Variants in ZSCAN20 observed in about 807,000 individuals in gnomAD.
ZSCAN20 encodes the protein zinc finger and SCAN domain containing 20.
In ZSCAN20, 39 loss-of-function variants were observed where a neutral mutation model predicts 97.1. That is an observed-to-expected ratio of 0.40 (90% confidence interval 0.31 to 0.52). ZSCAN20 has a LOEUF of 0.52. Among genes scored for constraint, ZSCAN20 ranks in the 20% least tolerant of loss-of-function variants. The pLI, the probability that ZSCAN20 is intolerant of heterozygous loss-of-function variation, is 0.49. For synonymous variants in ZSCAN20, 456 were observed against 467.3 expected, an observed-to-expected ratio of 0.98 and a Z score of 0.31; for missense variants, 1,115 against 1,290.4, an observed-to-expected ratio of 0.86 and a Z score of 2.08.
rs1200100274 is a variant in ZSCAN20, at chr1:33,500,471, T to C, written c.*4995T>C. Among the ~76,000 whole-genome samples the C allele has an allele frequency of 1.3e-5, 2 of 152,074 alleles. No individual in the cohort carries two copies. Among genetic ancestry groups the C allele is most frequent in the African/African-American group, 2.4e-5 (1 of 41,388 alleles). ...AGAGCTTCTTTGTTTTAAGAGCCAC[T>C]TGGTTAAGTCAAGAGCATTAGAAGA... On this transcript the variant is annotated 3_prime_UTR_variant, in exon 8 of 8. Transcript: ENST00000684572.
At position 33,495,012 on chromosome 1, in the gene ZSCAN20, C is replaced by T. The variant is rs376904571; in HGVS notation, c.2668C>T (p.Leu890Phe). The T allele has an allele frequency of 1.9e-5, 31 of 1,613,906 alleles. No homozygotes were observed. The highest frequency in any genetic ancestry group is 6.7e-5 in the African/African-American group (5 of 74,908). The change falls in exon 8 of 8, where the codon CTC becomes TTC. Residue 890 changes from leucine to phenylalanine, a missense_variant. Physicochemically the swap from Leu to Phe is conservative, Grantham distance 22. Transcript: ENST00000684572. ...AAGAAGCTTCTCTAAGAGCTCTGCC[C>T]TCATTAGTCACCAAAGAATCCATAC... is the stretch of plus-strand genomic sequence containing the variant. The part of the protein sequence containing the change: ...CGRSFSKSSA[L>F]ISHQRIHTGE...
chr1:33,491,488 G>A lies in ZSCAN20; in HGVS notation c.1230G>A (p.Arg410=). Reference sequence around the variant, plus strand: ...ATGAGGAGCTGGAGGCCCTGGTCAGGGCTCGGACAGCCATCAGAGCCACAG... The same window carrying A: ...ATGAGGAGCTGGAGGCCCTGGTCAGAGCTCGGACAGCCATCAGAGCCACAG... ...PFYEELEALV[R]ARTAIRATDG... is the part of the protein sequence containing the mutation. The change falls in exon 6 of 8, where the codon AGG becomes AGA. Residue 410 remains arginine, a synonymous_variant. Transcript: ENST00000684572. This position sits in a 1 kb window ranked among gnomAD's most constrained non-coding sequence, Gnocchi z 4.3. 1 of 1,614,088 alleles carries A rather than the reference G, an allele frequency of 6.2e-7. No homozygotes were observed. Among genetic ancestry groups the A allele is most frequent in the Non-Finnish European group, 8.5e-7 (1 of 1,179,970 alleles).
At chr1:33,475,006 G>A (rs976382146) in intron 1 of ZSCAN20, among the ~76,000 whole-genome samples, 2 of 152,188 alleles carry the variant, frequency 1.3e-5, no homozygotes, top group African/African-American at 4.8e-5. Context: ...GGCAGCCACA[G>A]GGGCTACATA....
Position 33,488,772 on chromosome 1 carries a change from G to A in ZSCAN20, c.604+121G>A, listed in dbSNP as rs143764789. ...TTCAAAGCAAGGGATAGGCTGCAGT[G>A]TGGTGGGCACACTTACTGAGAAGTA... On this transcript the variant is annotated intron_variant, in intron 3 of 7. Coordinates refer to ENST00000684572, the MANE Select transcript of ZSCAN20 (RefSeq NM_001377376.1). 2.3e-5 allele frequency: 25 copies of A among 1,099,036 alleles called. No homozygotes were observed. The East Asian group carries it at 6.0e-4, about 26-fold the overall frequency. 68.1% of individuals were successfully genotyped at this position (1,099,036 alleles called of 1,614,324 possible).
intron 5 of ZSCAN20, among the ~76,000 whole-genome samples, 153 bp downstream of exon 5, chr1:33,489,755 T>C (rs904447675): frequency 6.6e-6 from 1 of 152,152 alleles, no homozygotes; most frequent in African/African-American, 2.4e-5. Flanking sequence ...GCCAGCACTC[T>C]CATGGCAGGG....
rs779976703 is a variant in ZSCAN20 at position 33,479,416 on chromosome 1, C to G, written c.128C>G (p.Ser43Cys). The G allele has an allele frequency of 6.2e-7, 1 of 1,614,278 alleles. No homozygotes were observed. The highest frequency in any genetic ancestry group is 1.7e-4 in the Middle Eastern group (1 of 6,060). ...AAACTCTGGGAGAAGGACCGTGGCT[C>G]TGTCTCTGGCCCAGAGGCCTCCCGC... ...ESKLWEKDRG[S>C]VSGPEASRQR... is the part of the protein sequence containing the mutation. Residue 43 changes from serine to cysteine, a missense_variant, in exon 2 of 8, where the codon TCT becomes TGT. By Grantham distance (112) the Ser-to-Cys change is moderately radical (BLOSUM62 -1). Transcript: ENST00000684572.
intron 1 of ZSCAN20, among the ~76,000 whole-genome samples, chr1:33,476,890 A>G (rs568195227): frequency 6.6e-6 from 1 of 152,334 alleles, no homozygotes; most frequent in African/African-American, 2.4e-5. Context: ...TAGGCTTTTG[A>G]TACGCCAGGT....
At position 33,489,157 on chromosome 1, in the gene ZSCAN20, G is replaced by C. The variant is rs965833788; in HGVS notation, c.647G>C (p.Ser216Thr). Residue 216 changes from serine to threonine, a missense_variant, in exon 4 of 8, where the codon AGC (serine) becomes ACC (threonine). This residue lies in a region of ZSCAN20 where 508 missense variants were observed against 611.2 expected (regional missense o/e 0.83). Coordinates refer to ENST00000684572, the MANE Select transcript of ZSCAN20 (RefSeq NM_001377376.1). ...PRVPTLPKMG[S>T]VGDWEVTAES... The stretch of plus-strand genomic sequence containing the variant: ...GTCCCTACTCTCCCAAAGATGGGGA[G>C]CGTTGGAGATTGGGAGGTGACAGCT... 34 of 1,613,792 alleles carry C rather than the reference G, an allele frequency of 2.1e-5. No individual in the cohort carries two copies. Among genetic ancestry groups the C allele is most frequent in the Middle Eastern group, 1.6e-4 (1 of 6,076 alleles).
At chr1:33,479,740 G>T (rs1652072699) in intron 2 of ZSCAN20, 35 bp downstream of exon 2, 3 of 1,467,476 alleles carry the variant, frequency 2.0e-6, no homozygotes, top group African/African-American at 1.4e-5. Flanking sequence ...AGAGGAGTGG[G>T]TCAGGCAAGG....
chr1:33,476,838 ATAGTT>A (rs1483951682), intron 1 of ZSCAN20, among the ~76,000 whole-genome samples: 15 of 152,226 alleles, frequency 9.9e-5, no homozygotes, highest in Non-Finnish European at 2.2e-4. Context: ...GTAGACAGAA[ATAGTT>A]TAGTTTAATA....
rs887413731 is a variant in ZSCAN20, at chr1:33,495,469, C to G, written c.3125C>G (p.Ala1042Gly). 2 of 1,516,142 alleles carry G rather than the reference C, an allele frequency of 1.3e-6. No individual in the cohort carries two copies. The highest frequency in any genetic ancestry group is 2.8e-5 in the African/African-American group (2 of 71,940). 93.9% of individuals were successfully genotyped at this position (1,516,142 alleles called of 1,614,324 possible). A position where few individuals can be genotyped will look rare whatever the true frequency, so the allele number is the denominator to read the frequency against. Residue 1042 changes from alanine to glycine, a missense_variant, in exon 8 of 8, where the codon GCG becomes GGG. Ala to Gly is a moderately conservative substitution (Grantham distance 60). This residue lies in a region of ZSCAN20 where 554 missense variants were observed against 584.9 expected (regional missense o/e 0.95). Coordinates refer to ENST00000684572, the MANE Select transcript of ZSCAN20 (RefSeq NM_001377376.1). ...AHRRTHAGGK[A>G]S ...CGGAGAACCCATGCAGGAGGGAAGG[C>G]GTCGTAGGGGACAGTTTCCTCAACA...
chr1:33,479,694 G>A lies in ZSCAN20; in HGVS notation c.406G>A (p.Ala136Thr). ...GGATTGGCACCGAGAGACCAGGACT[G>A]CAGGACAGTCGGTGAGACAAACAGT... is the stretch of plus-strand genomic sequence containing the variant. ...VEDWHRETRTAGQSGLELHTE... is the reference protein window; with the variant it reads ...VEDWHRETRTTGQSGLELHTE... The change falls in exon 2 of 8, where the codon GCA becomes ACA. Residue 136 changes from alanine to threonine, a missense_variant. Around this residue, in one of 3 missense-constraint regions of ZSCAN20, gnomAD observed 508 missense variants for 611.2 expected, o/e 0.83. Transcript: ENST00000684572. 1 of 1,551,272 alleles carries A rather than the reference G, an allele frequency of 6.4e-7. No individual in the cohort carries two copies. The highest frequency in any genetic ancestry group is 1.4e-5 in the African/African-American group (1 of 72,420).
chr1:33,490,683 A>ACC (rs57001746), intron 5 of ZSCAN20, among the ~76,000 whole-genome samples: 118 of 107,202 alleles, frequency 1.1e-3, no homozygotes, highest in African/African-American at 3.4e-3. Flanking sequence ...ACACACACAC[A>ACC]CCACACACCC....
chr1:33,486,902 A>T (rs1456391659), intron 2 of ZSCAN20, among the ~76,000 whole-genome samples: 1 of 152,204 alleles, frequency 6.6e-6, no homozygotes, highest in African/African-American at 2.4e-5. Context: ...TCTCAATGGT[A>T]AAAATCCTTC....
At chr1:33,477,973 G>T (rs1231341507) in intron 1 of ZSCAN20, among the ~76,000 whole-genome samples, 1 of 152,024 alleles carries the variant, frequency 6.6e-6, no homozygotes, top group Non-Finnish European at 1.5e-5. Flanking sequence ...GAAGGGAGGA[G>T]ACCATTCCCA....
At position 33,499,358 on chromosome 1, in the gene ZSCAN20, T is replaced by A. The variant is rs1390187727; in HGVS notation, c.*3882T>A. On this transcript the variant is annotated 3_prime_UTR_variant, in exon 8 of 8. Coordinates refer to ENST00000684572, the MANE Select transcript of ZSCAN20 (RefSeq NM_001377376.1). ...TTCCCTTTCTCTTCTTTTTTTCTTT[T>A]CCTTTCTTTCTCTCTTTTCTTCTGT... Among the ~76,000 whole-genome samples the A allele has an allele frequency of 1.3e-5, 2 of 152,208 alleles. No individual in the cohort carries two copies. The highest frequency in any genetic ancestry group is 4.8e-5 in the African/African-American group (2 of 41,456).
rs1453728609 is a variant in ZSCAN20 at position 33,491,743 on chromosome 1, CT to C, written c.1444+42del. 6.6e-7 allele frequency: 1 copy of C among 1,521,442 alleles called. No individual in the cohort carries two copies. Among genetic ancestry groups the C allele is most frequent in the Non-Finnish European group, 8.8e-7 (1 of 1,135,058 alleles). The allele number at this position is 1,521,442 out of a possible 1,614,324, so 94.2% of individuals were successfully genotyped here. ...TTTAGTCAGATTCAGATTTCCAACC[CT>C]CCTACCAGCTAGACTGCTATTCCCT... On this transcript the variant is annotated intron_variant, in intron 6 of 7. Coordinates refer to ENST00000684572, the MANE Select transcript of ZSCAN20 (RefSeq NM_001377376.1). The surrounding 1 kb of genome is among the most constrained non-coding windows in gnomAD (Gnocchi z 4.3).
Position 33,491,793 on chromosome 1 carries a change from T to C in ZSCAN20, c.1444+91T>C. 7.3e-7 allele frequency: 1 copy of C among 1,362,512 alleles called. No individual in the cohort carries two copies. Among genetic ancestry groups the C allele is most frequent in the Non-Finnish European group, 9.9e-7 (1 of 1,006,866 alleles). The allele number at this position is 1,362,512 out of a possible 1,614,324, so 84.4% of individuals were successfully genotyped here. On this transcript the variant is annotated intron_variant, in intron 6 of 7. Transcript: ENST00000684572. This position sits in a 1 kb window ranked among gnomAD's most constrained non-coding sequence, Gnocchi z 4.3. ...CTGAGGTCAGGGCACAGGCTGCAAG[T>C]CTGGATTGAAGCCACTAGAGTGAAG...
At chr1:33,483,560 A>G (rs1432518646) in intron 2 of ZSCAN20, among the ~76,000 whole-genome samples, 1 of 151,868 alleles carries the variant, frequency 6.6e-6, no homozygotes, top group Non-Finnish European at 1.5e-5. Context: ...GCACATGGCC[A>G]GGTGCAGTGG....
Sources: allele counts gnomAD v4.1 joint callset (sites outside exome capture counted in the v4.1 genomes callset), GRCh38; gene constraint gnomAD v4.1.1; regional missense constraint gnomAD v4.1.1; non-coding constraint Gnocchi (gnomAD v3.1); transcripts MANE v1.5; gene names NCBI Gene and HGNC (gene_info 2026-07-23, HGNC 2026-07-21).